KCNK12: variants seen among roughly 807,000 people sequenced by gnomAD.
The protein encoded by KCNK12 is potassium two pore domain channel subfamily K member 12.
A neutral mutation model predicts 25.3 loss-of-function variants in KCNK12; 6 were observed. The ratio of observed to expected loss-of-function variants is 0.24; its 90% CI spans 0.13 to 0.47. The LOEUF is 0.47. Among genes scored for constraint, KCNK12 ranks in the 20% least tolerant of loss-of-function variants. KCNK12 has a pLI of 0.99. For missense variants in KCNK12, 444 were observed against 661.7 expected (o/e 0.67, Z 3.61); for synonymous variants, 331 against 311.1 (o/e 1.06, Z -0.67).
chr2:47,545,998 A>T (rs1390215838), intron 1 of KCNK12, among the ~76,000 whole-genome samples: 1 of 151,556 alleles, frequency 6.6e-6, no homozygotes, highest in Non-Finnish European at 1.5e-5. Flanking sequence ...GGAGGAACCC[A>T]TCCAACACTA....
rs1199200509 is a variant in KCNK12, at chr2:47,551,672, C to G, written c.391+18269G>C. Among the ~76,000 whole-genome samples, 1 of 152,224 alleles carries G rather than the reference C, an allele frequency of 6.6e-6. No individual in the cohort carries two copies. ...TGTGAAATCAGTATTACCCCCTACC[C>G]CACACGGCACCATATTTTTCTGGAG... On this transcript the variant is annotated intron_variant, in intron 1 of 1. Coordinates refer to ENST00000327876, the MANE Select transcript of KCNK12 (RefSeq NM_022055.2). This position sits in a 1 kb window ranked among gnomAD's most constrained non-coding sequence, Gnocchi z 5.3.
chr2:47,512,622 T>A lies in KCNK12; in HGVS notation c.*8285A>T. On this transcript the variant is annotated 3_prime_UTR_variant, in exon 2 of 2. Transcript: ENST00000327876. ...AAAGCGCCTTCTGGGAACTTCACAATGGCTAAAGTGTGCTAATGGGATGAT... is the reference window on the plus strand; with the variant it reads ...AAAGCGCCTTCTGGGAACTTCACAAAGGCTAAAGTGTGCTAATGGGATGAT... 1 of 616,856 alleles carries A rather than the reference T, an allele frequency of 1.6e-6. No homozygotes were observed. Among genetic ancestry groups the A allele is most frequent in the Non-Finnish European group, 2.8e-6 (1 of 360,864 alleles). 38.2% of individuals were successfully genotyped at this position (616,856 alleles called of 1,614,324 possible).
chr2:47,523,911 T>A (rs932374356), intron 1 of KCNK12, among the ~76,000 whole-genome samples: 11 of 152,254 alleles, frequency 7.2e-5, no homozygotes, highest in Admixed American at 5.9e-4. Flanking sequence ...GTTTGTCCTA[T>A]GTGGCTTACT....
chr2:47,537,618 C>T (rs1158834013), intron 1 of KCNK12, among the ~76,000 whole-genome samples: 4 of 152,162 alleles, frequency 2.6e-5, no homozygotes, highest in East Asian at 1.9e-4. Flanking sequence ...CGTGAGCCAC[C>T]GCGCCCAGCT....
intron 1 of KCNK12, among the ~76,000 whole-genome samples, chr2:47,544,517 A>C (rs1162469374): frequency 1.3e-5 from 2 of 152,242 alleles, no homozygotes; most frequent in Non-Finnish European, 2.9e-5. Context: ...GGTCGTGTGT[A>C]CTTTCTTGTC....
chr2:47,564,835 C>A (rs11695356), intron 1 of KCNK12: 2,045 of 154,598 alleles, frequency 0.013, 24 homozygotes, highest in Non-Finnish European at 0.019. Flanking sequence ...AAATGTCCTT[C>A]AAAGCTGTCA....
intron 1 of KCNK12, among the ~76,000 whole-genome samples, chr2:47,544,462 T>C (rs376965326): frequency 6.6e-6 from 1 of 152,248 alleles, no homozygotes; most frequent in African/African-American, 2.4e-5. Flanking sequence ...AGGCCCCCAG[T>C]GATGGCTAAC....
intron 1 of KCNK12, among the ~76,000 whole-genome samples, chr2:47,552,493 C>G (rs1425089187): frequency 6.6e-6 from 1 of 152,206 alleles, no homozygotes; most frequent in African/African-American, 2.4e-5. Context: ...CCCTGTAGAG[C>G]CTGGCGGCTC....
chr2:47,550,831 C>T (rs1033241792), intron 1 of KCNK12, among the ~76,000 whole-genome samples: 3 of 152,186 alleles, frequency 2.0e-5, no homozygotes, highest in East Asian at 1.9e-4. Flanking sequence ...ACTGCCTCCA[C>T]CAAACATGCC....
chr2:47,541,589 C>G (rs1362636092), intron 1 of KCNK12, among the ~76,000 whole-genome samples: 1 of 151,956 alleles, frequency 6.6e-6, no homozygotes, highest in Non-Finnish European at 1.5e-5. Flanking sequence ...CACTCCAGTA[C>G]CTCAGAATGT....
At chr2:47,537,608 C>T (rs1158231354) in intron 1 of KCNK12, among the ~76,000 whole-genome samples, 1 of 152,174 alleles carries the variant, frequency 6.6e-6, no homozygotes, top group Non-Finnish European at 1.5e-5. Context: ...GGATTACAGG[C>T]GTGAGCCACC....
rs1668545576 is a variant in KCNK12 at position 47,517,143 on chromosome 2, T to G, written c.*3764A>C. The G allele has an allele frequency of 6.6e-6, 1 of 152,158 alleles. No homozygotes were observed. The highest frequency in any genetic ancestry group is 6.5e-5 in the Admixed American group (1 of 15,280). The allele number at this position is 152,158 out of a possible 1,614,324, so 9.4% of individuals were successfully genotyped here. On this transcript the variant is annotated 3_prime_UTR_variant, in exon 2 of 2. Coordinates refer to ENST00000327876, the MANE Select transcript of KCNK12 (RefSeq NM_022055.2). The surrounding 1 kb of genome is among the most constrained non-coding windows in gnomAD (Gnocchi z 4.1). ...TGTGTATGTGGAATTGTGCTTTTTG[T>G]TTTTTAAGAATGTAAAAAGTTACAG...
rs1669353925 is a variant in KCNK12, at chr2:47,548,255, C to G, written c.391+21686G>C. 6.6e-6 allele frequency among the ~76,000 whole-genome samples: 1 copy of G among 152,186 alleles called. No homozygotes were observed. Among genetic ancestry groups the G allele is most frequent in the African/African-American group, 2.4e-5 (1 of 41,440 alleles). On this transcript the variant is annotated intron_variant, in intron 1 of 1. Transcript: ENST00000327876. The surrounding 1 kb of genome is among the most constrained non-coding windows in gnomAD (Gnocchi z 4.4). ...ACATTGCTTTAGCCAGGGTTAAGAA[C>G]CAGTGGTCTATAGGCTGGCAAATCC...
Position 47,570,338 on chromosome 2 carries a change from G to A in KCNK12, c.-7C>T, listed in dbSNP as rs1416893538. 8.7e-6 allele frequency: 11 copies of A among 1,267,780 alleles called. No homozygotes were observed. The highest frequency in any genetic ancestry group is 1.6e-5 in the African/African-American group (1 of 63,690). 78.5% of individuals were successfully genotyped at this position (1,267,780 alleles called of 1,614,324 possible). On this transcript the variant is annotated 5_prime_UTR_variant, in exon 1 of 2. Coordinates refer to ENST00000327876, the MANE Select transcript of KCNK12 (RefSeq NM_022055.2). ...GGGGGCTGCGGGAGGACATGGTCCGGAGCTCAGCCCCGGGGCCGGGGCGGC... is the reference window on the plus strand; with the variant it reads ...GGGGGCTGCGGGAGGACATGGTCCGAAGCTCAGCCCCGGGGCCGGGGCGGC...
chr2:47,561,365 T>C (rs939836477), intron 1 of KCNK12, among the ~76,000 whole-genome samples: 2 of 152,176 alleles, frequency 1.3e-5, no homozygotes, highest in African/African-American at 4.8e-5. Context: ...GATTAAGATA[T>C]TCTAGTTGAG....
At chr2:47,558,887 G>A (rs192036402) in intron 1 of KCNK12, among the ~76,000 whole-genome samples, 1 of 152,284 alleles carries the variant, frequency 6.6e-6, no homozygotes, top group East Asian at 1.9e-4. Context: ...TTAAACTTCC[G>A]TCAAATGTGT....
In KCNK12 at chr2:47,512,076, T is replaced by C. The variant is rs148005033; in HGVS notation, c.*8831A>G. On this transcript the variant is annotated 3_prime_UTR_variant, in exon 2 of 2. Transcript: ENST00000327876. Reference sequence around the variant, plus strand: ...TTTCTCATGGGGTGGGGTATGTGTGTTGAAGCTGCACCTTCAGCAGGAACC... The same window carrying C: ...TTTCTCATGGGGTGGGGTATGTGTGCTGAAGCTGCACCTTCAGCAGGAACC... Among the ~76,000 whole-genome samples, 942 of 152,276 alleles carry C rather than the reference T, an allele frequency of 6.2e-3. 4 individuals carry two copies. Among genetic ancestry groups the C allele is most frequent in the Middle Eastern group, 0.031 (9 of 294 alleles).
chr2:47,562,348 C>G lies in KCNK12; in HGVS notation c.391+7593G>C, dbSNP rs919232945. 1.6e-5 allele frequency: 6 copies of G among 373,236 alleles called. No homozygotes were observed. Among genetic ancestry groups the G allele is most frequent in the African/African-American group, 1.2e-4 (6 of 48,186 alleles). The allele number at this position is 373,236 out of a possible 1,614,324, so 23.1% of individuals were successfully genotyped here. A position where few individuals can be genotyped will look rare whatever the true frequency, so the allele number is the denominator to read the frequency against. ...GATTCTGGATGCTTCATCCTGAGGT[C>G]ACCTTGGAATGAGATCCTCTGGGAT... On this transcript the variant is annotated intron_variant, in intron 1 of 1. Transcript: ENST00000327876. This position sits in a 1 kb window ranked among gnomAD's most constrained non-coding sequence, Gnocchi z 4.8.
rs781367435 is a variant in KCNK12, at chr2:47,513,595, G to A, written c.*7312C>T. 2.6e-5 allele frequency among the ~76,000 whole-genome samples: 4 copies of A among 152,134 alleles called. No homozygotes were observed. The highest frequency in any genetic ancestry group is 4.4e-5 in the Non-Finnish European group (3 of 68,044). ...GGTCTAGCCTGGGTCATTGTTATGA[G>A]CTCTAGACTCACAAGGCCAATTGCT... On this transcript the variant is annotated 3_prime_UTR_variant, in exon 2 of 2. Coordinates refer to ENST00000327876, the MANE Select transcript of KCNK12 (RefSeq NM_022055.2).
Sources: allele counts gnomAD v4.1 joint callset (sites outside exome capture counted in the v4.1 genomes callset), GRCh38; gene constraint gnomAD v4.1.1; non-coding constraint Gnocchi (gnomAD v3.1); transcripts MANE v1.5; gene names NCBI Gene and HGNC (gene_info 2026-07-23, HGNC 2026-07-21).